Variants in VAMP7 observed in about 807,000 individuals in gnomAD.
VAMP7 encodes the protein vesicle-associated membrane protein 7.
A neutral mutation model predicts 29.6 loss-of-function variants in VAMP7; 14 were observed. The observed-to-expected ratio is 0.47, with a 90% CI of 0.31 to 0.74. The LOEUF (loss-of-function observed/expected upper bound fraction) is 0.74, where lower values mean the gene tolerates loss of function less well. Among genes scored for constraint, VAMP7 ranks in the 30% least tolerant of loss-of-function variants. VAMP7 has a pLI of 0.05. For synonymous variants in VAMP7, 95 were observed against 88.1 expected (o/e 1.08, Z -0.44); for missense variants, 223 against 262.4 (o/e 0.85, Z 1.04).
chrX:155,881,442 C>G lies in VAMP7; in HGVS notation c.-16C>G, dbSNP rs2065799947. On this transcript the variant is annotated 5_prime_UTR_variant, in exon 1 of 8. Transcript: ENST00000286448. ...AGCCCGCGCGCCCTCAGAGGGTGCC[C>G]GGACAGGTAAATGGAGTGGGGTGCG... is the stretch of plus-strand genomic sequence containing the variant. 8.0e-6 allele frequency: 1 copy of G among 125,358 alleles called. No homozygotes were observed. The highest frequency in any genetic ancestry group is 1.7e-5 in the Non-Finnish European group (1 of 59,712). The allele number at this position is 125,358 out of a possible 1,614,324, so 7.8% of individuals were successfully genotyped here.
intron 1 of VAMP7, among the ~76,000 whole-genome samples, chrX:155,881,664 G>T (rs1246019371): frequency 6.6e-6 from 1 of 152,100 alleles, no homozygotes; most frequent in African/African-American, 2.4e-5. Flanking sequence ...GTGTCAGAAT[G>T]CGTCACTTAA....
At chrX:155,923,443 A>G (rs2066423434) in intron 6 of VAMP7, among the ~76,000 whole-genome samples, 2 of 151,090 alleles carry the variant, frequency 1.3e-5, no homozygotes, top group Non-Finnish European at 3.0e-5. Flanking sequence ...TTTTTGAAAG[A>G]CATTTTCACT....
intron 6 of VAMP7, among the ~76,000 whole-genome samples, chrX:155,930,857 C>T (rs145329593): frequency 0.013 from 2,040 of 152,010 alleles, 54 homozygotes; most frequent in African/African-American, 0.047. Flanking sequence ...CTATCCCTTC[C>T]CCCTCCCACC....
At chrX:155,920,307 C>T (rs1243690327) in intron 6 of VAMP7, among the ~76,000 whole-genome samples, 1 of 152,146 alleles carries the variant, frequency 6.6e-6, no homozygotes, top group Non-Finnish European at 1.5e-5. Flanking sequence ...TGCCTTGTAT[C>T]AATCAAGAGA....
intron 7 of VAMP7, 100 bp from the exon 8 acceptor site, chrX:155,941,783 A>G (rs2066746926): frequency 3.1e-6 from 4 of 1,311,420 alleles, no homozygotes; most frequent in Non-Finnish European, 4.1e-6. Context: ...CTCTAATGGA[A>G]TCAGAAGTAT....
In VAMP7 at chrX:155,934,339, C is replaced by G. The variant is rs768303545; in HGVS notation, c.502-5362C>G. 3.1e-4 allele frequency among the ~76,000 whole-genome samples: 47 copies of G among 152,224 alleles called. No individual in the cohort carries two copies. In the South Asian group the frequency reaches 9.4e-3, roughly 30 times the overall value. The stretch of plus-strand genomic sequence containing the variant: ...TTTATTATTGTATGGGAGTCTAAGT[C>G]TCTTTGTAGGTCTCTAAGGACTTGC... On this transcript the variant is annotated intron_variant, in intron 6 of 7. Transcript: ENST00000286448.
At chrX:155,922,987 G>C (rs888161156) in intron 6 of VAMP7, among the ~76,000 whole-genome samples, 4 of 151,798 alleles carry the variant, frequency 2.6e-5, no homozygotes, top group Non-Finnish European at 5.9e-5. Context: ...GTCATTTTCT[G>C]ATTGCTTTAG....
chrX:155,939,963 T>G (rs1427547738), intron 7 of VAMP7, among the ~76,000 whole-genome samples, 170 bp downstream of exon 7: 1 of 152,024 alleles, frequency 6.6e-6, no homozygotes, highest in Non-Finnish European at 1.5e-5. Flanking sequence ...GAAATATCTC[T>G]ACTTAAACCC....
intron 6 of VAMP7, among the ~76,000 whole-genome samples, chrX:155,921,673 C>G (rs1200840837): frequency 1.3e-5 from 2 of 151,904 alleles, no homozygotes; most frequent in Non-Finnish European, 2.9e-5. Flanking sequence ...GTCAGTTTGT[C>G]TACCTTTATG....
At chrX:155,908,395 A>G (rs1328548338) in intron 5 of VAMP7, among the ~76,000 whole-genome samples, 1 of 152,136 alleles carries the variant, frequency 6.6e-6, no homozygotes, top group Non-Finnish European at 1.5e-5. Flanking sequence ...CGTCTCCACC[A>G]AAAAAATACG....
chrX:155,892,659 T>C (rs2065938775), intron 2 of VAMP7, among the ~76,000 whole-genome samples: 1 of 152,124 alleles, frequency 6.6e-6, no homozygotes, highest in African/African-American at 2.4e-5. Flanking sequence ...ACATTAACAC[T>C]GAGTCAGGCA....
At chrX:155,938,245 G>C (rs1278569044) in intron 6 of VAMP7, among the ~76,000 whole-genome samples, 5 of 151,994 alleles carry the variant, frequency 3.3e-5, no homozygotes, top group Admixed American at 1.3e-4. Context: ...AAAAGTTCTA[G>C]TCAATGCATA....
At chrX:155,923,431 T>G (rs1268573467) in intron 6 of VAMP7, among the ~76,000 whole-genome samples, 3 of 151,872 alleles carry the variant, frequency 2.0e-5, no homozygotes, top group African/African-American at 7.2e-5. Context: ...ACTTCCTTTT[T>G]TTTTTTGAAA....
rs2066755881 is a variant in VAMP7, at chrX:155,942,196, C to A, written c.*245C>A. On this transcript the variant is annotated 3_prime_UTR_variant, in exon 8 of 8. Transcript: ENST00000286448. ...GCCTTAAAAAGGCTTTTGTTTATTT[C>A]TTTGGTTTGTTAACTAGTGTCATCT... 1.8e-5 allele frequency: 28 copies of A among 1,526,886 alleles called. No individual in the cohort carries two copies. The highest frequency in any genetic ancestry group is 2.3e-5 in the Non-Finnish European group (26 of 1,136,508). The allele number at this position is 1,526,886 out of a possible 1,614,324, so 94.6% of individuals were successfully genotyped here.
At chrX:155,927,478 T>G in intron 6 of VAMP7, among the ~76,000 whole-genome samples, 1 of 126,424 alleles carries the variant, frequency 7.9e-6, no homozygotes, top group Admixed American at 8.6e-5. Flanking sequence ...ACCTTCGATT[T>G]GCCAAAAAAA....
intron 1 of VAMP7, among the ~76,000 whole-genome samples, chrX:155,884,785 A>C (rs970942435): frequency 1.3e-5 from 2 of 152,218 alleles, no homozygotes; most frequent in Admixed American, 1.3e-4. Context: ...AAGATTTCTC[A>C]AAACACATGG....
intron 6 of VAMP7, among the ~76,000 whole-genome samples, chrX:155,926,728 A>G (rs1340493035): frequency 6.6e-6 from 1 of 152,194 alleles, no homozygotes; most frequent in East Asian, 1.9e-4. Context: ...CTTTAGGCCC[A>G]TCTCAGCTTT....
intron 6 of VAMP7, among the ~76,000 whole-genome samples, chrX:155,921,237 C>G (rs1360259102): frequency 3.9e-5 from 6 of 152,136 alleles, no homozygotes; most frequent in Non-Finnish European, 7.4e-5. Flanking sequence ...ACAGGTATCT[C>G]TCTTTATGGT....
At chrX:155,900,439 T>A in intron 4 of VAMP7, 58 bp from the exon 5 acceptor site, 1 of 1,335,728 alleles carries the variant, frequency 7.5e-7, no homozygotes, top group Non-Finnish European at 1.0e-6. Flanking sequence ...CCCTTATTTT[T>A]GTTTTCCTAT....
Sources: gnomAD v4.1 joint callset for allele counts (sites outside exome capture counted in the v4.1 genomes callset) on GRCh38, gnomAD v4.1.1 for gene constraint, MANE v1.5 for transcripts, NCBI Gene and HGNC (gene_info 2026-07-23, HGNC 2026-07-21) for gene names.